The following PDSS2 variants were observed in gnomAD, a reference collection of about 807,000 sequenced individuals.
PDSS2 encodes all trans-polyprenyl-diphosphate synthase PDSS2.
In PDSS2, 31 loss-of-function variants were observed where a neutral mutation model predicts 44.5. The ratio of observed to expected loss-of-function variants is 0.70; its 90% CI spans 0.52 to 0.94. PDSS2 has a LOEUF of 0.94. PDSS2 is among the 40% of genes least tolerant of loss of function. The pLI, the probability that PDSS2 is intolerant of heterozygous loss-of-function variation, is 0.00. For synonymous variants in PDSS2, 157 were observed against 180.3 expected (o/e 0.87, Z 1.03); for missense variants, 452 against 482.2 (o/e 0.94, Z 0.59).
chr6:107,456,838 G>A (rs560734315), intron 1 of PDSS2, among the ~76,000 whole-genome samples: 109 of 152,300 alleles, frequency 7.2e-4, no homozygotes, highest in African/African-American at 2.6e-3. Flanking sequence ...CACCACACCA[G>A]GACCCCTGGT....
chr6:107,418,645 G>C (rs1363113969), intron 1 of PDSS2, among the ~76,000 whole-genome samples: 1 of 152,070 alleles, frequency 6.6e-6, no homozygotes, highest in Non-Finnish European at 1.5e-5. Flanking sequence ...TGTGGTGGCA[G>C]GCACCTGTAG....
intron 6 of PDSS2, among the ~76,000 whole-genome samples, chr6:107,199,105 G>T (rs1772671947): frequency 6.6e-6 from 1 of 152,184 alleles, no homozygotes; most frequent in Non-Finnish European, 1.5e-5. Flanking sequence ...TTGTAAGATA[G>T]TTAATTTGGG....
chr6:107,370,149 G>C (rs1583001699), intron 1 of PDSS2, among the ~76,000 whole-genome samples: 1 of 152,310 alleles, frequency 6.6e-6, no homozygotes, highest in South Asian at 2.1e-4. Flanking sequence ...AGAGACCTTT[G>C]AGAATATCAC....
chr6:107,436,691 T>G (rs1398338513), intron 1 of PDSS2, among the ~76,000 whole-genome samples: 2 of 152,152 alleles, frequency 1.3e-5, no homozygotes, highest in African/African-American at 2.4e-5. Context: ...TTAACAATAA[T>G]GTATTACATA....
At chr6:107,182,862 G>C (rs1772032414) in intron 7 of PDSS2, among the ~76,000 whole-genome samples, 1 of 152,174 alleles carries the variant, frequency 6.6e-6, no homozygotes, top group Non-Finnish European at 1.5e-5. Context: ...GTTGCCAAGA[G>C]AAAAATAACT....
chr6:107,420,632 A>G (rs1049842926), intron 1 of PDSS2, among the ~76,000 whole-genome samples: 3 of 152,194 alleles, frequency 2.0e-5, no homozygotes, highest in Admixed American at 1.3e-4. Flanking sequence ...GGGCAAAAAT[A>G]AAAAATAAAA....
At chr6:107,320,597 T>C (rs1369004786) in intron 2 of PDSS2, among the ~76,000 whole-genome samples, 1 of 152,198 alleles carries the variant, frequency 6.6e-6, no homozygotes, top group East Asian at 1.9e-4. Flanking sequence ...TATATAAATA[T>C]CTGTGTTTCA....
chr6:107,389,126 A>G (rs1054775799), intron 1 of PDSS2, among the ~76,000 whole-genome samples: 7 of 152,172 alleles, frequency 4.6e-5, no homozygotes, highest in African/African-American at 1.7e-4. Context: ...AGGGTGATGG[A>G]ACTATTTTGT....
At chr6:107,191,748 C>G (rs960720784) in intron 7 of PDSS2, among the ~76,000 whole-genome samples, 8 of 152,136 alleles carry the variant, frequency 5.3e-5, no homozygotes, top group Non-Finnish European at 1.0e-4. Context: ...GTAGCTGCAA[C>G]TACAAGTGCT....
intron 7 of PDSS2, among the ~76,000 whole-genome samples, chr6:107,180,056 C>T (rs902499764): frequency 6.6e-6 from 1 of 152,118 alleles, no homozygotes; most frequent in Non-Finnish European, 1.5e-5. Context: ...ACTCAAAAAC[C>T]ATAATTTTGG....
chr6:107,217,426 G>C (rs188081385), intron 4 of PDSS2, among the ~76,000 whole-genome samples: 11 of 152,204 alleles, frequency 7.2e-5, no homozygotes, highest in Admixed American at 4.6e-4. Flanking sequence ...TTGAAGATGA[G>C]AGATGGGGCC....
At chr6:107,270,310 C>T (rs780701681) in intron 3 of PDSS2, among the ~76,000 whole-genome samples, 8 of 151,902 alleles carry the variant, frequency 5.3e-5, no homozygotes, top group East Asian at 1.9e-4. Flanking sequence ...CGGGATTTCA[C>T]CATCTTGGTC....
chr6:107,448,302 C>T (rs1486581118), intron 1 of PDSS2, among the ~76,000 whole-genome samples: 1 of 152,162 alleles, frequency 6.6e-6, no homozygotes, highest in East Asian at 1.9e-4. Flanking sequence ...ATTACAATGT[C>T]AGGGTTGCAA....
intron 7 of PDSS2, 143 bp from the exon 8 acceptor site, chr6:107,154,920 A>G (rs1269348812): frequency 1.3e-6 from 1 of 797,476 alleles, no homozygotes; most frequent in East Asian, 2.7e-5. Flanking sequence ...TTTTCTGGAA[A>G]AGAGGACATC....
intron 7 of PDSS2, among the ~76,000 whole-genome samples, chr6:107,179,068 G>A (rs1438725071): frequency 6.6e-6 from 1 of 152,184 alleles, no homozygotes; most frequent in Non-Finnish European, 1.5e-5. Flanking sequence ...GCATACAATG[G>A]CATGCATCTT....
At chr6:107,175,032 G>A (rs1771737910) in intron 7 of PDSS2, among the ~76,000 whole-genome samples, 1 of 152,034 alleles carries the variant, frequency 6.6e-6, no homozygotes, top group African/African-American at 2.4e-5. Flanking sequence ...GGCCAACATG[G>A]TGAAACCTGT....
chr6:107,426,678 T>C (rs1412021456), intron 1 of PDSS2, among the ~76,000 whole-genome samples: 1 of 152,166 alleles, frequency 6.6e-6, no homozygotes, highest in East Asian at 1.9e-4. Context: ...CCCAAGACCA[T>C]GGGAGCCCAC....
At chr6:107,167,813 T>G (rs1554247811) in intron 7 of PDSS2, among the ~76,000 whole-genome samples, 1 of 152,218 alleles carries the variant, frequency 6.6e-6, no homozygotes, top group South Asian at 2.1e-4. Context: ...AATCCTGAGC[T>G]CTAGTTTGAT....
rs371754229 is a variant in PDSS2 at position 107,352,490 on chromosome 6, T to C, written c.297-18158A>G. On this transcript the variant is annotated intron_variant, in intron 1 of 7. Transcript: ENST00000369037. ...CCATTTGTTTCATTATGCTGCAAAA[T>C]AGTTTTCAAACTCCTGGATATAAGA... Among the ~76,000 whole-genome samples, 8 of 152,196 alleles carry C rather than the reference T, an allele frequency of 5.3e-5. 1 individual carries two copies. The highest frequency in any genetic ancestry group is 4.1e-4 in the South Asian group (2 of 4,828).
Sources: gnomAD v4.1 joint callset for allele counts (sites outside exome capture counted in the v4.1 genomes callset) on GRCh38, gnomAD v4.1.1 for gene constraint, MANE v1.5 for transcripts, NCBI Gene and HGNC (gene_info 2026-07-23, HGNC 2026-07-21) for gene names.